MYO3A: variants seen among roughly 807,000 people sequenced by gnomAD.
The protein encoded by MYO3A is myosin-IIIa.
MYO3A carries 180 observed loss-of-function variants against 192.7 expected under a neutral mutation model. The ratio of observed to expected loss-of-function variants is 0.93; its 90% CI spans 0.83 to 1.06. The LOEUF is 1.06. MYO3A is among the 50% of genes least tolerant of loss of function. The pLI, the probability that MYO3A is intolerant of heterozygous loss-of-function variation, is 0.00. For missense variants in MYO3A, 1,896 were observed against 1,905.0 expected, an observed-to-expected ratio of 1.00 and a Z score of 0.09; for synonymous variants, 628 against 645.3, an observed-to-expected ratio of 0.97 and a Z score of 0.41.
intron 7 of MYO3A, among the ~76,000 whole-genome samples, chr10:26,019,559 G>A (rs1357434722): frequency 6.6e-6 from 1 of 152,144 alleles, no homozygotes; most frequent in Non-Finnish European, 1.5e-5. Context: ...CTTGTGATCC[G>A]CCTGTCTTGG....
intron 27 of MYO3A, among the ~76,000 whole-genome samples, chr10:26,167,072 A>T (rs1362669688): frequency 6.6e-6 from 1 of 152,214 alleles, no homozygotes; most frequent in Non-Finnish European, 1.5e-5. Context: ...GGGATATGAA[A>T]TGTATCACGG....
In MYO3A at chr10:26,068,807, G is replaced by A; in HGVS notation, c.1093G>A (p.Asp365Asn). 2 of 1,597,116 alleles carry A rather than the reference G, an allele frequency of 1.3e-6. No homozygotes were observed. Among genetic ancestry groups the A allele is most frequent in the Non-Finnish European group, 1.7e-6 (2 of 1,164,746 alleles). ...SEQLEKCYSR[D>N]QIYVYVGDIL... ...GCAACTTGAGAAGTGTTATTCCAGA[G>A]ATCAGATCTACGTCTATGTGGGAGA... Residue 365 changes from aspartate to asparagine, a missense_variant, in exon 12 of 35, where the codon GAT becomes AAT. By Grantham distance (23) the Asp-to-Asn change is conservative (BLOSUM62 1). Transcript: ENST00000642920.
intron 21 of MYO3A, 42 bp downstream of exon 21, chr10:26,143,643 G>C: frequency 3.7e-6 from 6 of 1,604,574 alleles, no homozygotes; most frequent in Non-Finnish European, 4.3e-6. Context: ...TTTATGAATA[G>C]AGTCTTGTCA....
At chr10:26,094,390 ACTT>A (rs1401213234) in intron 15 of MYO3A, among the ~76,000 whole-genome samples, 1 of 150,524 alleles carries the variant, frequency 6.6e-6, no homozygotes, top group East Asian at 1.9e-4. Flanking sequence ...TCTGAGGAAA[ACTT>A]CTACATACTG....
At chr10:26,064,935 G>A (rs1002387542) in intron 10 of MYO3A, among the ~76,000 whole-genome samples, 3 of 152,152 alleles carry the variant, frequency 2.0e-5, no homozygotes, top group Non-Finnish European at 4.4e-5. Flanking sequence ...GCAGAAGTCT[G>A]GAGTAGTAGT....
At chr10:26,179,003 A>G (rs10828959) in intron 31 of MYO3A, among the ~76,000 whole-genome samples, 84,003 of 149,892 alleles carry the variant, frequency 0.56, 23,883 homozygotes, top group Middle Eastern at 0.64. Flanking sequence ...GGGTTTCACC[A>G]TGTTAGCCAG....
rs1308737708 is a variant in MYO3A, at chr10:26,174,404, CACA to C, written c.4144_4146del (p.Thr1382del). On this transcript the variant is annotated inframe_deletion, in exon 30 of 35. Coordinates refer to ENST00000642920, the MANE Select transcript of MYO3A (RefSeq NM_017433.5). Reference sequence around the variant, plus strand: ...CTTCTTTTAAGCATCAGAGGATTGTCACAACACCAACAGAAGTAGCAAGAAACA... The same window carrying C: ...CTTCTTTTAAGCATCAGAGGATTGTCACACCAACAGAAGTAGCAAGAAACA... The C allele has an allele frequency of 1.2e-6, 2 of 1,614,026 alleles. No homozygotes were observed. The highest frequency in any genetic ancestry group is 2.7e-5 in the African/African-American group (2 of 74,902).
intron 32 of MYO3A, 150 bp from the exon 33 acceptor site, chr10:26,201,115 C>T (rs1843655552): frequency 9.0e-6 from 3 of 332,568 alleles, no homozygotes; most frequent in Admixed American, 4.9e-5. Context: ...AATTATATTT[C>T]TTTAAATTTT....
At chr10:26,125,319 C>A in intron 18 of MYO3A, 79 bp from the exon 19 acceptor site, 1 of 1,246,240 alleles carries the variant, frequency 8.0e-7, no homozygotes, top group Non-Finnish European at 1.2e-6. Flanking sequence ...TTGAAGAAGG[C>A]AGATTAAGAC....
intron 26 of MYO3A, among the ~76,000 whole-genome samples, chr10:26,164,922 G>C (rs1841664483): frequency 6.6e-6 from 1 of 152,310 alleles, no homozygotes; most frequent in South Asian, 2.1e-4. Context: ...ATGTGTACAT[G>C]AGCGAGTTAG....
chr10:26,120,870 A>G (rs1005823407), intron 18 of MYO3A, 68 bp downstream of exon 18: 17 of 1,571,848 alleles, frequency 1.1e-5, no homozygotes, highest in Non-Finnish European at 1.5e-5. Flanking sequence ...TAAGTATCAC[A>G]TAAGGACCAT....
intron 17 of MYO3A, among the ~76,000 whole-genome samples, chr10:26,114,965 C>T (rs1052861452): frequency 3.3e-5 from 5 of 152,134 alleles, no homozygotes; most frequent in Non-Finnish European, 7.4e-5. Flanking sequence ...AGAACTGAGA[C>T]ATGAAATTAA....
At chr10:26,041,511 C>T (rs2131222594) in intron 10 of MYO3A, among the ~76,000 whole-genome samples, 1 of 151,778 alleles carries the variant, frequency 6.6e-6, no homozygotes, top group South Asian at 2.1e-4. Context: ...TTCTTTTCTT[C>T]CTTCTTCTCT....
chr10:26,157,697 A>T (rs1403416270), intron 26 of MYO3A, among the ~76,000 whole-genome samples, 182 bp downstream of exon 26: 1 of 152,238 alleles, frequency 6.6e-6, no homozygotes, highest in East Asian at 1.9e-4. Flanking sequence ...GACTCTGGAC[A>T]GATGGGTGGT....
chr10:25,956,892 C>T (rs1837578620), intron 4 of MYO3A, among the ~76,000 whole-genome samples: 1 of 152,050 alleles, frequency 6.6e-6, no homozygotes, highest in Admixed American at 6.6e-5. Flanking sequence ...ACCATCTTCC[C>T]ACCCTCTACC....
intron 17 of MYO3A, among the ~76,000 whole-genome samples, chr10:26,110,850 G>A (rs1037961176): frequency 2.0e-5 from 3 of 149,292 alleles, no homozygotes; most frequent in South Asian, 4.2e-4. Context: ...CTGGAAAATC[G>A]TTTTTTGGGT....
At chr10:26,002,693 G>C in intron 6 of MYO3A, among the ~76,000 whole-genome samples, 2 of 152,194 alleles carry the variant, frequency 1.3e-5, no homozygotes, top group Admixed American at 6.5e-5. Context: ...TGATTGAAAT[G>C]AGTCAGGGTG....
In MYO3A at chr10:26,168,786, T is replaced by G. The variant is rs1841896115; in HGVS notation, c.3186T>G (p.Ile1062Met). 6.2e-7 allele frequency: 1 copy of G among 1,613,120 alleles called. No individual in the cohort carries two copies. Among genetic ancestry groups the G allele is most frequent in the Non-Finnish European group, 8.5e-7 (1 of 1,179,514 alleles). Residue 1062 changes from isoleucine (I) to methionine (M), a missense_variant, in exon 28 of 35, where the codon ATT becomes ATG. Ile to Met is a conservative substitution (Grantham distance 10, BLOSUM62 1). Coordinates refer to ENST00000642920, the MANE Select transcript of MYO3A (RefSeq NM_017433.5). ...AAGCTATTGACAAGCTTATTTTGAT[T>G]CAAGCTTGTGTCAGAGCATTCTTGT... is the stretch of plus-strand genomic sequence containing the variant. ...RKEAIDKLILIQACVRAFLCS... is the reference protein window; with the variant it reads ...RKEAIDKLILMQACVRAFLCS...
chr10:25,977,931 A>G (rs1020016098), intron 4 of MYO3A, among the ~76,000 whole-genome samples: 6 of 152,110 alleles, frequency 3.9e-5, no homozygotes, highest in African/African-American at 9.7e-5. Context: ...TCTGTTTCTG[A>G]TATCAATGTT....
Sources: gnomAD v4.1 joint callset for allele counts (sites outside exome capture counted in the v4.1 genomes callset) on GRCh38, gnomAD v4.1.1 for gene constraint, MANE v1.5 for transcripts, NCBI Gene and HGNC (gene_info 2026-07-23, HGNC 2026-07-21) for gene names.